Variants in TPP1 observed in about 807,000 individuals in gnomAD.
The protein encoded by TPP1 is tripeptidyl-peptidase 1.
Under a neutral mutation model 67.6 loss-of-function variants are expected in TPP1, and 43 were observed. That is an observed-to-expected ratio of 0.64 (90% confidence interval 0.50 to 0.82). The LOEUF is 0.82. Among genes scored for constraint, TPP1 ranks in the 40% least tolerant of loss-of-function variants. The pLI is 0.00. For synonymous variants in TPP1, 272 were observed against 281.5 expected (o/e 0.97, Z 0.34); for missense variants, 671 against 710.9 (o/e 0.94, Z 0.64).
Position 6,615,213 on chromosome 11 carries a change from C to T in TPP1, c.1383G>A (p.Val461=), listed in dbSNP as rs202190396. The change falls in exon 11 of 13, where the codon GTG becomes GTA. Residue 461 remains valine (V), a synonymous_variant. Transcript: ENST00000299427. The part of the protein sequence containing the change: ...DVAALSDGYW[V]VSNRVPIPWV... ...ATGGAATGGGCACTCTGTTGCTGACCACCCAGTAGCCATCAGAAAGTGCAG... is the reference window on the plus strand; with the variant it reads ...ATGGAATGGGCACTCTGTTGCTGACTACCCAGTAGCCATCAGAAAGTGCAG... 115 of 1,614,186 alleles carry T rather than the reference C, an allele frequency of 7.1e-5. No homozygotes were observed. Among genetic ancestry groups the T allele is most frequent in the Non-Finnish European group, 9.1e-5 (107 of 1,180,032 alleles).
In TPP1 at chr11:6,617,562, C is replaced by A. The variant is rs1304845696; in HGVS notation, c.380+64G>T. On this transcript the variant is annotated intron_variant, in intron 4 of 12. Transcript: ENST00000299427. ...CACAAGCCCCAGCAAGCTCTCAACT[C>A]CCTCCCATCCATCTCACTGATGGGA... is the stretch of plus-strand genomic sequence containing the variant. The A allele has an allele frequency of 3.7e-6, 6 of 1,613,240 alleles. No individual in the cohort carries two copies. In the African/African-American group the frequency reaches 5.3e-5, roughly 14 times the overall value.
chr11:6,616,184 G>C (rs765774667), intron 8 of TPP1, 110 bp from the exon 9 acceptor site: 11 of 1,571,970 alleles, frequency 7.0e-6, no homozygotes, highest in Non-Finnish European at 9.6e-6. Flanking sequence ...GTAGAGGTCA[G>C]GTCAGTGGTC....
At position 6,614,388 on chromosome 11, in the gene TPP1, G is replaced by T; in HGVS notation, c.*158C>A. On this transcript the variant is annotated 3_prime_UTR_variant, in exon 13 of 13. Coordinates refer to ENST00000299427, the MANE Select transcript of TPP1 (RefSeq NM_000391.4). ...GTATGATGGAGCATGGTAGGGTTGG[G>T]AGTCAAGTCAAGCTCACAGCATTTC... The T allele has an allele frequency of 1.0e-6, 1 of 959,132 alleles. No individual in the cohort carries two copies. The highest frequency in any genetic ancestry group is 2.5e-5 in the East Asian group (1 of 39,806). The allele number at this position is 959,132 out of a possible 1,614,324, so 59.4% of individuals were successfully genotyped here. A position where few individuals can be genotyped will look rare whatever the true frequency, so the allele number is the denominator to read the frequency against.
rs753292759 is a variant in TPP1 at position 6,615,630 on chromosome 11, G to T, written c.1146-68C>A. 3 of 1,597,190 alleles carry T rather than the reference G, an allele frequency of 1.9e-6. No individual in the cohort carries two copies. In the South Asian group the frequency reaches 3.3e-5, roughly 18 times the overall value. On this transcript the variant is annotated intron_variant, in intron 9 of 12. Coordinates refer to ENST00000299427, the MANE Select transcript of TPP1 (RefSeq NM_000391.4). ...GGACCTCCAAGATATGTGGGGAGGG[G>T]TGAGTATAGCCCAGGTCTTGCTGGA... is the stretch of plus-strand genomic sequence containing the variant.
At chr11:6,617,269 G>A (rs1360209375) in intron 5 of TPP1, 32 bp downstream of exon 5, 2 of 1,613,738 alleles carry the variant, frequency 1.2e-6, no homozygotes, top group Non-Finnish European at 1.7e-6. Context: ...GGATCTGTGT[G>A]CCCCAACCCC....
At chr11:6,618,215 A>G (rs1013735500) in intron 3 of TPP1, 9 of 339,722 alleles carry the variant, frequency 2.6e-5, no homozygotes, top group South Asian at 2.2e-4. Context: ...CACTAGTGTC[A>G]CACTGCCCCG....
In TPP1 at chr11:6,617,409, G is replaced by T; in HGVS notation, c.400C>A (p.Pro134Thr). The change falls in exon 5 of 13, where the codon CCT (proline) becomes ACT (threonine). Residue 134 changes from proline to threonine, a missense_variant. Physicochemically the swap from Pro to Thr is conservative, Grantham distance 38 (BLOSUM62 -1). Coordinates refer to ENST00000299427, the MANE Select transcript of TPP1 (RefSeq NM_000391.4). ...ACATAGTGATGAAACTCAGCCCCAGGGAGCAGCAGCTCTGCTTGTCTGGAG... is the reference window on the plus strand; with the variant it reads ...ACATAGTGATGAAACTCAGCCCCAGTGAGCAGCAGCTCTGCTTGTCTGGAG... ...LSIRQAELLL[P>T]GAEFHHYVGG... The T allele has an allele frequency of 6.2e-7, 1 of 1,614,034 alleles. No homozygotes were observed. The highest frequency in any genetic ancestry group is 8.5e-7 in the Non-Finnish European group (1 of 1,179,998).
Position 6,615,216 on chromosome 11 carries a change from C to G in TPP1, c.1380G>C (p.Trp460Cys), listed in dbSNP as rs1417099610. The change falls in exon 11 of 13, where the codon TGG becomes TGC. Residue 460 changes from tryptophan (W) to cysteine (C), a missense_variant. Transcript: ENST00000299427. ...PDVAALSDGY[W>C]VVSNRVPIPW... Reference sequence around the variant, plus strand: ...GAATGGGCACTCTGTTGCTGACCACCCAGTAGCCATCAGAAAGTGCAGCCA... The same window carrying G: ...GAATGGGCACTCTGTTGCTGACCACGCAGTAGCCATCAGAAAGTGCAGCCA... The G allele has an allele frequency of 6.2e-7, 1 of 1,614,196 alleles. No individual in the cohort carries two copies. Among genetic ancestry groups the G allele is most frequent in the Admixed American group, 1.7e-5 (1 of 60,032 alleles).
Position 6,614,881 on chromosome 11 carries a change from C to T in TPP1, c.1536G>A (p.Gly512=), listed in dbSNP as rs1589947461. The part of the protein sequence containing the change: ...FLNPRLYQQH[G]AGLFDVTRGC... ...CCATACTTACATCAAAGAGTCCTGC[C>T]CCATGCTGCTGGTAGAGCCTTGGGT... The change falls in exon 12 of 13, where the codon GGG becomes GGA. Residue 512 remains glycine (G), a synonymous_variant. Transcript: ENST00000299427. The T allele has an allele frequency of 6.2e-7, 1 of 1,614,110 alleles. No individual in the cohort carries two copies. The highest frequency in any genetic ancestry group is 1.3e-5 in the African/African-American group (1 of 75,008).
Position 6,615,716 on chromosome 11 carries a change from A to T in TPP1, c.1146-154T>A. 5.9e-6 allele frequency: 6 copies of T among 1,024,784 alleles called. No homozygotes were observed. In the South Asian group the frequency reaches 8.6e-5, roughly 15 times the overall value. The allele number at this position is 1,024,784 out of a possible 1,614,324, so 63.5% of individuals were successfully genotyped here. A position where few individuals can be genotyped will look rare whatever the true frequency, so the allele number is the denominator to read the frequency against. ...TTGACTAAGAGATTTTGAGCCTTCA[A>T]GGCATGGCCCGAGGTGACTGTGCAC... is the stretch of plus-strand genomic sequence containing the variant. On this transcript the variant is annotated intron_variant, in intron 9 of 12. Coordinates refer to ENST00000299427, the MANE Select transcript of TPP1 (RefSeq NM_000391.4).
rs1415142274 is a variant in TPP1, at chr11:6,614,142, T to G, written c.*404A>C. 3 of 238,922 alleles carry G rather than the reference T, an allele frequency of 1.3e-5. No individual in the cohort carries two copies. Among genetic ancestry groups the G allele is most frequent in the African/African-American group, 2.2e-5 (1 of 44,566 alleles). The allele number at this position is 238,922 out of a possible 1,614,324, so 14.8% of individuals were successfully genotyped here. ...GAAGTATGCACTGGAGGCCATTGTT[T>G]CTGGATGTCAGGGTAGGAAAGAGTA... On this transcript the variant is annotated 3_prime_UTR_variant, in exon 13 of 13. Coordinates refer to ENST00000299427, the MANE Select transcript of TPP1 (RefSeq NM_000391.4).
In TPP1 at chr11:6,617,398, C is replaced by T; in HGVS notation, c.411G>A (p.Glu137=). 1 of 1,614,154 alleles carries T rather than the reference C, an allele frequency of 6.2e-7. No individual in the cohort carries two copies. The change falls in exon 5 of 13, where the codon GAG becomes GAA. Residue 137 remains glutamate, a synonymous_variant. Coordinates refer to ENST00000299427, the MANE Select transcript of TPP1 (RefSeq NM_000391.4). ...TAGGTCCTCCCACATAGTGATGAAA[C>T]TCAGCCCCAGGGAGCAGCAGCTCTG... ...RQAELLLPGA[E]FHHYVGGPTE... is the part of the protein sequence containing the mutation.
At chr11:6,617,867 C>T (rs1454720423) in intron 3 of TPP1, 91 bp from the exon 4 acceptor site, 1 of 1,576,512 alleles carries the variant, frequency 6.3e-7, no homozygotes, top group Non-Finnish European at 8.7e-7. Context: ...CAGGACTTCC[C>T]AAAGCCTGGA....
At position 6,618,418 on chromosome 11, in the gene TPP1, T is replaced by C. The variant is rs925057301; in HGVS notation, c.229+358A>G. On this transcript the variant is annotated intron_variant, in intron 3 of 12. Coordinates refer to ENST00000299427, the MANE Select transcript of TPP1 (RefSeq NM_000391.4). Reference sequence around the variant, plus strand: ...CTGGGCAGTAGTCCAGGAGTGGGAATAAATAACGGAGTTGGTCGTAACAAA... The same window carrying C: ...CTGGGCAGTAGTCCAGGAGTGGGAACAAATAACGGAGTTGGTCGTAACAAA... 78 of 490,866 alleles carry C rather than the reference T, an allele frequency of 1.6e-4. No individual in the cohort carries two copies. The East Asian group carries it at 2.6e-3, about 16-fold the overall frequency. The allele number at this position is 490,866 out of a possible 1,614,324, so 30.4% of individuals were successfully genotyped here. A position where few individuals can be genotyped will look rare whatever the true frequency, so the allele number is the denominator to read the frequency against.
In TPP1 at chr11:6,614,435, C is replaced by CTGCAGCAGTCAATAGTTGAGGG; in HGVS notation, c.*89_*110dup. On this transcript the variant is annotated 3_prime_UTR_variant, in exon 13 of 13. Transcript: ENST00000299427. The stretch of plus-strand genomic sequence containing the variant: ...TTTCAGGGTTAGGGAGATAAGCTGT[C>CTGCAGCAGTCAATAGTTGAGGG]TGCAGCAGTCAATAGTTGAGGGTTC... The CTGCAGCAGTCAATAGTTGAGGG allele has an allele frequency of 6.8e-7, 1 of 1,465,382 alleles. No individual in the cohort carries two copies. The highest frequency in any genetic ancestry group is 9.5e-7 in the Non-Finnish European group (1 of 1,056,014). 90.8% of individuals were successfully genotyped at this position (1,465,382 alleles called of 1,614,324 possible).
intron 3 of TPP1, chr11:6,618,032 T>C (rs1183791698): frequency 1.6e-5 from 9 of 560,140 alleles, no homozygotes; most frequent in Admixed American, 3.1e-5. Context: ...TGTATTGCCA[T>C]GATCATGAAA....
chr11:6,617,913 G>T, intron 3 of TPP1, 137 bp from the exon 4 acceptor site: 6 of 1,188,506 alleles, frequency 5.0e-6, no homozygotes, highest in Non-Finnish European at 7.3e-6. Context: ...CAGGTGTAGG[G>T]TGTACTTGGG....
In TPP1 at chr11:6,617,744, G is replaced by C; in HGVS notation, c.262C>G (p.Leu88Val). 1 of 1,614,206 alleles carries C rather than the reference G, an allele frequency of 6.2e-7. No individual in the cohort carries two copies. Among genetic ancestry groups the C allele is most frequent in the African/African-American group, 1.3e-5 (1 of 75,056 alleles). ...AGGGTCAGTGGGGATGGCCTCACCA[G>C]ATCAGCCACATTCTCTAGGGTCAGG... Reference protein sequence around the residue: ...KYLTLENVADLVRPSPLTLHT... With the variant: ...KYLTLENVADVVRPSPLTLHT... The change falls in exon 4 of 13, where the codon CTG becomes GTG. Residue 88 changes from leucine to valine, a missense_variant. Physicochemically the swap from Leu to Val is conservative, Grantham distance 32. Coordinates refer to ENST00000299427, the MANE Select transcript of TPP1 (RefSeq NM_000391.4).
chr11:6,618,379 G>C (rs1855617758), intron 3 of TPP1: 3 of 414,198 alleles, frequency 7.2e-6, no homozygotes, highest in African/African-American at 2.0e-5. Context: ...GGAGACTGCA[G>C]ATCAGCTGGG....
Sources: gnomAD v4.1 joint callset for allele counts on GRCh38, gnomAD v4.1.1 for gene constraint, MANE v1.5 for transcripts, NCBI Gene and HGNC (gene_info 2026-07-23, HGNC 2026-07-21) for gene names.